PDCD7: variants seen among roughly 807,000 people sequenced by gnomAD.
The protein encoded by PDCD7 is programmed cell death protein 7.
In PDCD7, 40 loss-of-function variants were observed where a neutral mutation model predicts 42.1. The observed-to-expected ratio is 0.95, with a 90% confidence interval of 0.74 to 1.24. PDCD7 has a LOEUF of 1.24. Among genes scored for constraint, PDCD7 ranks in the 50% most tolerant of loss-of-function variants. PDCD7 has a pLI of 0.00. For synonymous variants in PDCD7, 299 were observed against 303.3 expected (o/e 0.99, Z 0.15); for missense variants, 644 against 662.8 (o/e 0.97, Z 0.31).
intron 1 of PDCD7, among the ~76,000 whole-genome samples, chr15:65,132,155 C>T (rs1024676004): frequency 1.4e-4 from 21 of 146,848 alleles, no homozygotes; most frequent in Admixed American, 1.1e-3. Context: ...GTAAATGCTC[C>T]GAAACACCAT....
chr15:65,133,245 G>C lies in PDCD7; in HGVS notation c.537C>G (p.Leu179=). ...PSLGEVRARL[L]RALRLVRRLR... ...GCCGCCGCACCAGGCGCAGAGCCCG[G>C]AGCAATCGCGCGCGCACTTCGCCAA... is the stretch of plus-strand genomic sequence containing the variant. The change falls in exon 1 of 5, where the codon CTC becomes CTG. Residue 179 remains leucine, a synonymous_variant. Coordinates refer to ENST00000204549, the MANE Select transcript of PDCD7 (RefSeq NM_005707.2). The C allele has an allele frequency of 1.5e-6, 2 of 1,355,510 alleles. No individual in the cohort carries two copies. Among genetic ancestry groups the C allele is most frequent in the Non-Finnish European group, 1.9e-6 (2 of 1,062,156 alleles). The allele number at this position is 1,355,510 out of a possible 1,614,324, so 84.0% of individuals were successfully genotyped here.
intron 1 of PDCD7, among the ~76,000 whole-genome samples, chr15:65,132,525 C>A (rs1046468238): frequency 2.6e-5 from 4 of 152,160 alleles, no homozygotes; most frequent in African/African-American, 9.7e-5. Flanking sequence ...GCTGGGATTA[C>A]AGGCGTGGGC....
At chr15:65,129,192 T>A (rs752201433) in intron 1 of PDCD7, 22 bp from the exon 2 acceptor site, 1 of 1,612,480 alleles carries the variant, frequency 6.2e-7, no homozygotes, top group South Asian at 1.1e-5. Context: ...ACAAAGCCCA[T>A]GAGACCTCGT....
chr15:65,126,204 T>C (rs1041971188), intron 2 of PDCD7, among the ~76,000 whole-genome samples: 1 of 152,166 alleles, frequency 6.6e-6, no homozygotes, highest in South Asian at 2.1e-4. Context: ...GTCTATCTTT[T>C]CCTCCCATCT....
intron 1 of PDCD7, among the ~76,000 whole-genome samples, chr15:65,131,122 C>T (rs2140586982): frequency 1.3e-5 from 2 of 152,294 alleles, no homozygotes; most frequent in Admixed American, 1.3e-4. Flanking sequence ...TTTACAGCCA[C>T]TCCCCCATTG....
chr15:65,124,185 G>A (rs2087478134), intron 2 of PDCD7, among the ~76,000 whole-genome samples: 1 of 152,092 alleles, frequency 6.6e-6, no homozygotes. Flanking sequence ...ACTTTGGGAG[G>A]CTGAGGCGGG....
intron 1 of PDCD7, among the ~76,000 whole-genome samples, chr15:65,130,672 C>G (rs2087532615): frequency 6.6e-6 from 1 of 152,084 alleles, no homozygotes. Context: ...ACCTGGGTGA[C>G]TTTTCCTTTA....
chr15:65,133,283 C>A lies in PDCD7; in HGVS notation c.499G>T (p.Ala167Ser). The A allele has an allele frequency of 3.8e-6, 5 of 1,321,736 alleles. No homozygotes were observed. The highest frequency in any genetic ancestry group is 4.8e-6 in the Non-Finnish European group (5 of 1,042,346). The allele number at this position is 1,321,736 out of a possible 1,614,324, so 81.9% of individuals were successfully genotyped here. A position where few individuals can be genotyped will look rare whatever the true frequency, so the allele number is the denominator to read the frequency against. ...AGCPVPQRTH[A>S]GPSLGEVRAR... The stretch of plus-strand genomic sequence containing the variant: ...CGCACTTCGCCAAGGCTGGGCCCGG[C>A]ATGCGTGCGCTGGGGCACCGGACAG... Residue 167 changes from alanine to serine, a missense_variant, in exon 1 of 5, where the codon GCC becomes TCC. Ala to Ser is a moderately conservative substitution (Grantham distance 99). Transcript: ENST00000204549.
chr15:65,133,320 CG>C lies in PDCD7; in HGVS notation c.461del (p.Pro154ArgfsTer38), dbSNP rs2140589875. The C allele has an allele frequency of 1.5e-6, 2 of 1,292,636 alleles. No individual in the cohort carries two copies. The highest frequency in any genetic ancestry group is 2.5e-5 in the South Asian group (1 of 40,804). 80.1% of individuals were successfully genotyped at this position (1,292,636 alleles called of 1,614,324 possible). On this transcript the variant is annotated frameshift_variant, in exon 1 of 5. Coordinates refer to ENST00000204549, the MANE Select transcript of PDCD7 (RefSeq NM_005707.2). LOFTEE classifies it high-confidence loss of function. ...GGGGCACCGGACAGCCTGCCCGCCG[CG>C]GGGTCCCGAACACCGCCTCCAGCCA... is the stretch of plus-strand genomic sequence containing the variant. ...RQWLEAVFGT[P>X]RRAGCPVPQR...
In PDCD7 at chr15:65,118,648, G is replaced by C; in HGVS notation, c.*69C>G. On this transcript the variant is annotated 3_prime_UTR_variant, in exon 5 of 5. Transcript: ENST00000204549. ...AGTTGCAGTTTAGTCTACAGCAAAA[G>C]ATGGCACCATCGCTAATATTTACAG... is the stretch of plus-strand genomic sequence containing the variant. 6.8e-7 allele frequency: 1 copy of C among 1,468,766 alleles called. No homozygotes were observed. The highest frequency in any genetic ancestry group is 9.1e-7 in the Non-Finnish European group (1 of 1,101,620). 91.0% of individuals were successfully genotyped at this position (1,468,766 alleles called of 1,614,324 possible).
chr15:65,126,308 G>A (rs1264976860), intron 2 of PDCD7, among the ~76,000 whole-genome samples: 3 of 151,970 alleles, frequency 2.0e-5, no homozygotes, highest in Non-Finnish European at 4.4e-5. Flanking sequence ...CTCATCTCAT[G>A]CTGTACAATC....
intron 2 of PDCD7, among the ~76,000 whole-genome samples, chr15:65,126,875 T>A (rs2087500427): frequency 6.6e-6 from 1 of 152,174 alleles, no homozygotes; most frequent in Non-Finnish European, 1.5e-5. Context: ...CCTTAAATTA[T>A]TTATTTATAT....
At chr15:65,121,808 T>C (rs1295245126) in intron 2 of PDCD7, among the ~76,000 whole-genome samples, 2 of 152,170 alleles carry the variant, frequency 1.3e-5, no homozygotes, top group African/African-American at 4.8e-5. Flanking sequence ...TGATGATGAG[T>C]GTTTATGTAT....
At chr15:65,126,143 A>G (rs1480429165) in intron 2 of PDCD7, among the ~76,000 whole-genome samples, 1 of 147,360 alleles carries the variant, frequency 6.8e-6, no homozygotes, top group East Asian at 2.0e-4. Flanking sequence ...TATCACCAAG[A>G]CTACACAATC....
At chr15:65,124,307 C>T (rs1316952959) in intron 2 of PDCD7, among the ~76,000 whole-genome samples, 1 of 151,950 alleles carries the variant, frequency 6.6e-6, no homozygotes, top group Admixed American at 6.6e-5. Flanking sequence ...TGCCTGTAAT[C>T]TCAGCTACTC....
intron 2 of PDCD7, among the ~76,000 whole-genome samples, chr15:65,126,055 C>G (rs1249026670): frequency 6.6e-6 from 1 of 152,036 alleles, no homozygotes; most frequent in East Asian, 1.9e-4. Flanking sequence ...TACCTCCCAC[C>G]AAGTCCCTCC....
chr15:65,122,667 G>A (rs1379699157), intron 2 of PDCD7, among the ~76,000 whole-genome samples: 1 of 152,136 alleles, frequency 6.6e-6, no homozygotes, highest in Non-Finnish European at 1.5e-5. Context: ...GTGATACAAT[G>A]AATATTCTTG....
chr15:65,127,463 C>CAA (rs1464820018), intron 2 of PDCD7, among the ~76,000 whole-genome samples: 74 of 57,860 alleles, frequency 1.3e-3, no homozygotes, highest in Non-Finnish European at 1.4e-3. Context: ...GACTCCGTCT[C>CAA]AAAAAAAAAA....
intron 1 of PDCD7, among the ~76,000 whole-genome samples, chr15:65,131,902 G>A (rs1358462886): frequency 1.3e-5 from 2 of 151,952 alleles, no homozygotes; most frequent in Non-Finnish European, 2.9e-5. Flanking sequence ...TTGTGTGACT[G>A]TTGGCAAGTT....
Sources: gnomAD v4.1 joint callset for allele counts (sites outside exome capture counted in the v4.1 genomes callset) on GRCh38, gnomAD v4.1.1 for gene constraint, MANE v1.5 for transcripts, NCBI Gene and HGNC (gene_info 2026-07-23, HGNC 2026-07-21) for gene names.